Variants in HPSE2 observed in about 807,000 individuals in gnomAD.
The protein encoded by HPSE2 is inactive heparanase-2.
A neutral mutation model predicts 60.5 loss-of-function variants in HPSE2; 38 were observed. The ratio of observed to expected loss-of-function variants is 0.63; its 90% CI spans 0.48 to 0.82. The LOEUF (loss-of-function observed/expected upper bound fraction) is 0.82, where lower values mean the gene tolerates loss of function less well. HPSE2 is among the 40% of genes least tolerant of loss of function. The probability of loss-of-function intolerance (pLI) is 0.00; values close to 1 mark genes in which losing one functional copy is unlikely to be tolerated. For missense variants in HPSE2, 713 were observed against 740.4 expected, an observed-to-expected ratio of 0.96 and a Z score of 0.43; for synonymous variants, 295 against 293.2, an observed-to-expected ratio of 1.01 and a Z score of -0.06.
chr10:98,745,115 T>C (rs1949597419), intron 3 of HPSE2, among the ~76,000 whole-genome samples: 1 of 152,154 alleles, frequency 6.6e-6, no homozygotes, highest in Admixed American at 6.5e-5. Context: ...GGCAGGAGAA[T>C]GGCGTGAACC....
chr10:98,714,772 G>A lies in HPSE2; in HGVS notation c.956+6885C>T, dbSNP rs181677677. On this transcript the variant is annotated intron_variant, in intron 5 of 11. Coordinates refer to ENST00000370552, the MANE Select transcript of HPSE2 (RefSeq NM_021828.5). ...AATTGCCAGACTGTTTTCCAAAGCA[G>A]CTGAACCATATTATATTCCCATTAG... Among the ~76,000 whole-genome samples, 387 of 151,970 alleles carry A rather than the reference G, an allele frequency of 2.5e-3. 1 individual carries two copies. Among genetic ancestry groups the A allele is most frequent in the Non-Finnish European group, 4.1e-3 (275 of 67,824 alleles).
chr10:98,688,831 C>A (rs779785653), intron 6 of HPSE2, among the ~76,000 whole-genome samples: 6 of 151,820 alleles, frequency 4.0e-5, no homozygotes, highest in Middle Eastern at 3.4e-3. Flanking sequence ...AAAAAAAAGT[C>A]TTTATTTAAT....
chr10:98,521,329 G>C (rs987489175), intron 9 of HPSE2, among the ~76,000 whole-genome samples: 20 of 152,176 alleles, frequency 1.3e-4, no homozygotes, highest in African/African-American at 4.6e-4. Context: ...CAAAGGATAT[G>C]AACAGACACT....
At chr10:99,271,202 G>A in the HPSE2 span, among the ~76,000 whole-genome samples, 1 of 152,160 alleles carries the variant, frequency 6.6e-6, no homozygotes, top group African/African-American at 2.4e-5. Context: ...GACTGTCAAT[G>A]TTTGCTGATG....
intron 3 of HPSE2, among the ~76,000 whole-genome samples, chr10:99,034,818 A>G (rs1957574623): frequency 6.6e-6 from 1 of 152,240 alleles, no homozygotes; most frequent in Admixed American, 6.5e-5. Flanking sequence ...TATTGTACTG[A>G]AAACTATAGG....
At chr10:98,752,765 C>T (rs1226792781) in intron 3 of HPSE2, among the ~76,000 whole-genome samples, 1 of 152,222 alleles carries the variant, frequency 6.6e-6, no homozygotes, top group East Asian at 1.9e-4. Flanking sequence ...GCACTATTTA[C>T]AGTAGCCATG....
intron 9 of HPSE2, among the ~76,000 whole-genome samples, chr10:98,570,325 T>C (rs1944459108): frequency 6.6e-6 from 1 of 152,220 alleles, no homozygotes; most frequent in South Asian, 2.1e-4. Context: ...CTTTATGCCT[T>C]CATGGTACAG....
chr10:98,845,910 C>A (rs1414519931), intron 3 of HPSE2, among the ~76,000 whole-genome samples: 1 of 152,144 alleles, frequency 6.6e-6, no homozygotes, highest in Non-Finnish European at 1.5e-5. Context: ...TTTTAATTAC[C>A]AGTAGTGGTG....
intron 3 of HPSE2, among the ~76,000 whole-genome samples, chr10:99,141,595 A>G (rs147832230): frequency 6.6e-6 from 1 of 152,354 alleles, no homozygotes; most frequent in African/African-American, 2.4e-5. Flanking sequence ...TAACTGGGCT[A>G]TCACTAACAA....
At chr10:98,702,985 A>G (rs925404687) in intron 5 of HPSE2, among the ~76,000 whole-genome samples, 2 of 152,166 alleles carry the variant, frequency 1.3e-5, no homozygotes, top group South Asian at 2.1e-4. Context: ...AAAAAAAACA[A>G]TGAATCCAGG....
intron 4 of HPSE2, among the ~76,000 whole-genome samples, chr10:98,737,692 CA>C (rs1423339232): frequency 6.6e-6 from 1 of 152,110 alleles, no homozygotes; most frequent in Non-Finnish European, 1.5e-5. Flanking sequence ...TACACAAACA[CA>C]GAGCCAAATC....
intron 5 of HPSE2, among the ~76,000 whole-genome samples, chr10:98,700,522 A>T (rs1251269789): frequency 7.0e-6 from 1 of 142,798 alleles, no homozygotes; most frequent in African/African-American, 2.5e-5. Flanking sequence ...TAAACATTAG[A>T]CCTAAAACCA....
intron 9 of HPSE2, among the ~76,000 whole-genome samples, chr10:98,600,309 A>G (rs977312734): frequency 3.9e-5 from 6 of 152,230 alleles, no homozygotes; most frequent in Non-Finnish European, 8.8e-5. Context: ...TAGAAGCAGA[A>G]AAGAAAACAT....
At chr10:98,826,795 A>C (rs977058107) in intron 3 of HPSE2, among the ~76,000 whole-genome samples, 1 of 152,214 alleles carries the variant, frequency 6.6e-6, no homozygotes, top group Non-Finnish European at 1.5e-5. Context: ...CAAGCTGCCC[A>C]GTTGGATGAT....
intron 9 of HPSE2, among the ~76,000 whole-genome samples, chr10:98,509,636 G>A (rs1016268781): frequency 6.6e-6 from 1 of 151,870 alleles, no homozygotes. Context: ...CGAGTAGCTG[G>A]GATTACAGGC....
At chr10:99,262,820 A>G in the HPSE2 span, among the ~76,000 whole-genome samples, 1 of 152,038 alleles carries the variant, frequency 6.6e-6, no homozygotes, top group Non-Finnish European at 1.5e-5. Context: ...ACAACCCATT[A>G]TGCTGTTCTA....
chr10:98,472,709 T>C (rs1325854818), intron 11 of HPSE2, among the ~76,000 whole-genome samples: 1 of 152,198 alleles, frequency 6.6e-6, no homozygotes, highest in Non-Finnish European at 1.5e-5. Flanking sequence ...AAAATAAAGA[T>C]GCATATTGAT....
Position 98,848,431 on chromosome 10 carries a change from T to A in HPSE2, c.611-104375A>T, listed in dbSNP as rs569302647. Among the ~76,000 whole-genome samples the A allele has an allele frequency of 2.9e-3, 438 of 150,636 alleles. 2 individuals carry two copies. Among genetic ancestry groups the A allele is most frequent in the Non-Finnish European group, 4.5e-3 (305 of 67,530 alleles). On this transcript the variant is annotated intron_variant, in intron 3 of 11. Coordinates refer to ENST00000370552, the MANE Select transcript of HPSE2 (RefSeq NM_021828.5). ...AGACTCTGTCTAAAAAAAAAAAAATTAAAAAAATAAGGTCAAAGAGCAGCA... is the reference window on the plus strand; with the variant it reads ...AGACTCTGTCTAAAAAAAAAAAAATAAAAAAAATAAGGTCAAAGAGCAGCA...
intron 9 of HPSE2, 109 bp from the exon 10 acceptor site, chr10:98,490,305 A>C: frequency 7.6e-7 from 1 of 1,322,956 alleles, no homozygotes; most frequent in Non-Finnish European, 1.1e-6. Context: ...GCCAGAAATC[A>C]CTTCCTACCT....
Sources: allele counts gnomAD v4.1 joint callset (sites outside exome capture counted in the v4.1 genomes callset), GRCh38; gene constraint gnomAD v4.1.1; transcripts MANE v1.5; gene names NCBI Gene and HGNC (gene_info 2026-07-23, HGNC 2026-07-21).